The following SUCLG1 variants were observed in gnomAD, a reference collection of about 807,000 sequenced individuals.
SUCLG1 encodes the protein succinate-CoA ligase GDP/ADP-forming subunit alpha.
In SUCLG1, 26 loss-of-function variants were observed where a neutral mutation model predicts 37.3. The observed-to-expected ratio is 0.70, with a 90% confidence interval of 0.51 to 0.97. SUCLG1 has a LOEUF of 0.97. Among genes scored for constraint, SUCLG1 ranks in the 50% least tolerant of loss-of-function variants. The pLI, the probability that SUCLG1 is intolerant of heterozygous loss-of-function variation, is 0.00. For missense variants in SUCLG1, 433 were observed against 432.9 expected, an observed-to-expected ratio of 1.00 and a Z score of 0.00; for synonymous variants, 163 against 155.6, an observed-to-expected ratio of 1.05 and a Z score of -0.36.
intron 5 of SUCLG1, among the ~76,000 whole-genome samples, chr2:84,434,434 T>G (rs978713123): frequency 1.3e-5 from 2 of 152,170 alleles, no homozygotes; most frequent in Non-Finnish European, 2.9e-5. Flanking sequence ...GCACTTAATT[T>G]CACATCTGGA....
intron 5 of SUCLG1, among the ~76,000 whole-genome samples, chr2:84,435,656 G>C (rs1428230440): frequency 1.3e-5 from 2 of 152,210 alleles, no homozygotes; most frequent in Non-Finnish European, 2.9e-5. Flanking sequence ...GACATGCGAG[G>C]TGTATACTAG....
chr2:84,457,175 C>CT (rs1673033547), intron 1 of SUCLG1, among the ~76,000 whole-genome samples: 1 of 151,876 alleles, frequency 6.6e-6, no homozygotes, highest in African/African-American at 2.4e-5. Context: ...TTTCTGGTCC[C>CT]TTTTTAAAAA....
At chr2:84,436,046 C>T (rs1434411235) in intron 5 of SUCLG1, among the ~76,000 whole-genome samples, 1 of 152,020 alleles carries the variant, frequency 6.6e-6, no homozygotes, top group Non-Finnish European at 1.5e-5. Context: ...AGTACAATTC[C>T]AGTACCTTCC....
chr2:84,433,612 C>G (rs1672642394), intron 5 of SUCLG1, 177 bp from the exon 6 acceptor site: 1 of 631,066 alleles, frequency 1.6e-6, no homozygotes, highest in African/African-American at 1.8e-5. Context: ...GGCTTAAATT[C>G]AAGCAGGGGG....
At chr2:84,455,253 G>C (rs1340296163) in intron 1 of SUCLG1, among the ~76,000 whole-genome samples, 1 of 152,138 alleles carries the variant, frequency 6.6e-6, no homozygotes, top group Admixed American at 6.5e-5. Context: ...TGGTAAAAAA[G>C]AAAAAATGAG....
Position 84,425,680 on chromosome 2 carries a change from G to C in SUCLG1, c.826-77C>G, listed in dbSNP as rs1672526972. ...GGGACCTCAAATTCATGACTCTGCT[G>C]GTAAATGGTAAATGGCTTGGGCAGG... On this transcript the variant is annotated intron_variant, in intron 7 of 8. Coordinates refer to ENST00000393868, the MANE Select transcript of SUCLG1 (RefSeq NM_003849.4). The C allele has an allele frequency of 2.0e-6, 3 of 1,490,516 alleles. No homozygotes were observed. In the South Asian group the frequency reaches 3.4e-5, roughly 17 times the overall value. The allele number at this position is 1,490,516 out of a possible 1,614,324, so 92.3% of individuals were successfully genotyped here.
intron 5 of SUCLG1, 73 bp from the exon 6 acceptor site, chr2:84,433,508 C>A: frequency 7.8e-7 from 1 of 1,287,810 alleles, no homozygotes; most frequent in South Asian, 1.2e-5. Flanking sequence ...ACTAAATTAC[C>A]AAACACTTCG....
At chr2:84,431,075 T>A (rs1013931188) in intron 7 of SUCLG1, among the ~76,000 whole-genome samples, 1 of 151,896 alleles carries the variant, frequency 6.6e-6, no homozygotes, top group Non-Finnish European at 1.5e-5. Context: ...AGTCTAAAAC[T>A]GGAAGGAAGC....
intron 1 of SUCLG1, chr2:84,458,394 T>C (rs1673063120): frequency 6.6e-6 from 1 of 152,216 alleles, no homozygotes; most frequent in Non-Finnish European, 1.5e-5. Context: ...GAAAAGGGAC[T>C]AGCCAGACTT....
At position 84,433,380 on chromosome 2, in the gene SUCLG1, T is replaced by C; in HGVS notation, c.645A>G (p.Gln215=). ...CGCACAAAGACTGCCCCAATCCAAC[T>C]TGCGTTGTTTGGTGAACTGCTTCAT... The part of the protein sequence containing the change: ...LTYEAVHQTT[Q]VGLGQSLCVG... Residue 215 remains glutamine, a synonymous_variant, in exon 6 of 9, where the codon CAA becomes CAG. Transcript: ENST00000393868. The C allele has an allele frequency of 6.2e-7, 1 of 1,613,962 alleles. No individual in the cohort carries two copies. Among genetic ancestry groups the C allele is most frequent in the Non-Finnish European group, 8.5e-7 (1 of 1,179,890 alleles).
chr2:84,451,832 C>A (rs1177032972), intron 1 of SUCLG1, among the ~76,000 whole-genome samples: 4 of 152,126 alleles, frequency 2.6e-5, no homozygotes, highest in Non-Finnish European at 5.9e-5. Flanking sequence ...CATCTACACA[C>A]CAGGCCTGGG....
intron 5 of SUCLG1, among the ~76,000 whole-genome samples, chr2:84,436,771 G>A (rs1344147104): frequency 2.0e-5 from 3 of 152,122 alleles, no homozygotes; most frequent in Non-Finnish European, 4.4e-5. Context: ...GACCACCAAT[G>A]GTGCTTGAGA....
At chr2:84,433,638 C>T (rs1672642958) in intron 5 of SUCLG1, 1 of 592,732 alleles carries the variant, frequency 1.7e-6, no homozygotes, top group Non-Finnish European at 3.0e-6. Context: ...TTAATTTAGA[C>T]AAAGGAGAAA....
rs190828179 is a variant in SUCLG1 at position 84,432,385 on chromosome 2, C to T, written c.674-726G>A. The T allele has an allele frequency of 2.0e-5, 3 of 152,272 alleles. No homozygotes were observed. In the East Asian group the frequency reaches 5.8e-4, roughly 29 times the overall value. The allele number at this position is 152,272 out of a possible 1,614,324, so 9.4% of individuals were successfully genotyped here. On this transcript the variant is annotated intron_variant, in intron 6 of 8. Coordinates refer to ENST00000393868, the MANE Select transcript of SUCLG1 (RefSeq NM_003849.4). The stretch of plus-strand genomic sequence containing the variant: ...AAATGGAGTGGAAGAAGAGAACCGG[C>T]ATTTATTAAGTGCCAACCGTGTGTC...
At chr2:84,424,951 CA>C (rs1672511801) in intron 8 of SUCLG1, among the ~76,000 whole-genome samples, 1 of 152,168 alleles carries the variant, frequency 6.6e-6, no homozygotes, top group African/African-American at 2.4e-5. Flanking sequence ...GATCTCCCTC[CA>C]CCCAAACTCC....
intron 2 of SUCLG1, among the ~76,000 whole-genome samples, chr2:84,444,755 G>A (rs180959495): frequency 3.9e-5 from 6 of 152,202 alleles, no homozygotes; most frequent in East Asian, 3.9e-4. Context: ...GCCGCCCCCC[G>A]AAGTGGCCAT....
chr2:84,439,628 T>C (rs1454970610), intron 5 of SUCLG1, among the ~76,000 whole-genome samples: 1 of 152,232 alleles, frequency 6.6e-6, no homozygotes, highest in African/African-American at 2.4e-5. Flanking sequence ...AACCCAATTC[T>C]GTAAACTGCA....
intron 2 of SUCLG1, among the ~76,000 whole-genome samples, chr2:84,447,437 G>C (rs1285587109): frequency 6.6e-6 from 1 of 152,180 alleles, no homozygotes; most frequent in Non-Finnish European, 1.5e-5. Context: ...GTTCTGAATA[G>C]TGCTTACACC....
chr2:84,457,931 T>C (rs985930810), intron 1 of SUCLG1, among the ~76,000 whole-genome samples: 1 of 152,074 alleles, frequency 6.6e-6, no homozygotes, highest in Non-Finnish European at 1.5e-5. Context: ...CCTCAAGTGA[T>C]TGGCAACTAA....
Sources: gnomAD v4.1 joint callset for allele counts (sites outside exome capture counted in the v4.1 genomes callset) on GRCh38, gnomAD v4.1.1 for gene constraint, MANE v1.5 for transcripts, NCBI Gene and HGNC (gene_info 2026-07-23, HGNC 2026-07-21) for gene names.